TULP4: variants seen among roughly 807,000 people sequenced by gnomAD.
TULP4 encodes TUB like protein 4, also known as tubby-related protein 4.
Under a neutral mutation model 129.0 loss-of-function variants are expected in TULP4, and 16 were observed. The ratio of observed to expected loss-of-function variants is 0.12; its 90% CI spans 0.08 to 0.19. TULP4 has a LOEUF of 0.19. TULP4 is among the 10% of genes least tolerant of loss of function. The pLI, the probability that TULP4 is intolerant of heterozygous loss-of-function variation, is 1.00. For missense variants in TULP4, 1,842 were observed against 2,059.1 expected, an observed-to-expected ratio of 0.89 and a Z score of 2.04; for synonymous variants, 998 against 854.0, an observed-to-expected ratio of 1.17 and a Z score of -2.94.
At position 158,503,200 on chromosome 6, in the gene TULP4, C is replaced by T. The variant is rs765633271; in HGVS notation, c.3537C>T (p.Ala1179=). 6.2e-7 allele frequency: 1 copy of T among 1,614,074 alleles called. No individual in the cohort carries two copies. Among genetic ancestry groups the T allele is most frequent in the Non-Finnish European group, 8.5e-7 (1 of 1,179,970 alleles). Residue 1179 remains alanine (A), a synonymous_variant, in exon 13 of 14, where the codon GCC becomes GCT. Coordinates refer to ENST00000367097, the MANE Select transcript of TULP4 (RefSeq NM_020245.5). The surrounding 1 kb of genome is among the most constrained non-coding windows in gnomAD (Gnocchi z 4.3). ...CCAAGTCTCCTGCCAGCCCCACTGC[C>T]ACTTTCCAAACAGGCTATGGGATGG... The part of the protein sequence containing the change: ...ISPKSPASPT[A]TFQTGYGMGV...
intron 3 of TULP4, among the ~76,000 whole-genome samples, chr6:158,440,240 C>T (rs1046044316): frequency 1.3e-5 from 2 of 150,328 alleles, no homozygotes. Flanking sequence ...ACTGCTTGAG[C>T]CCAGGAGGTT....
intron 3 of TULP4, among the ~76,000 whole-genome samples, chr6:158,436,907 T>G (rs1288070784): frequency 5.3e-5 from 8 of 152,224 alleles, no homozygotes; most frequent in African/African-American, 1.9e-4. Context: ...AGGTTTATCC[T>G]GTTTGCTTTG....
At chr6:158,398,615 C>T (rs1488793156) in intron 1 of TULP4, 1 of 152,236 alleles carries the variant, frequency 6.6e-6, no homozygotes, top group Non-Finnish European at 1.5e-5. Context: ...TCCCTTCTTA[C>T]TAATTTTTAA....
chr6:158,387,412 TAAAA>T (rs928291860), intron 1 of TULP4, among the ~76,000 whole-genome samples: 1 of 151,782 alleles, frequency 6.6e-6, no homozygotes, highest in Non-Finnish European at 1.5e-5. Flanking sequence ...CTGATTAATC[TAAAA>T]AAAAGGAAGA....
At chr6:158,233,097 T>C (rs534884049) in intron 1 of TULP4, among the ~76,000 whole-genome samples, 2 of 152,110 alleles carry the variant, frequency 1.3e-5, no homozygotes, top group South Asian at 4.1e-4. Context: ...GCTTCAGGGA[T>C]GGGAAGGTGA....
At position 158,503,890 on chromosome 6, in the gene TULP4, G is replaced by T. The variant is rs747737473; in HGVS notation, c.4227G>T (p.Glu1409Asp). The change falls in exon 13 of 14, where the codon GAG becomes GAT. Residue 1409 changes from glutamate (E) to aspartate (D), a missense_variant. Around this residue, in one of 5 missense-constraint regions of TULP4, gnomAD observed 1,089 missense variants for 987.1 expected, o/e 1.10. Transcript: ENST00000367097. The surrounding 1 kb of genome is among the most constrained non-coding windows in gnomAD (Gnocchi z 4.3). Reference sequence around the variant, plus strand: ...AGTTCCAGGACAGCTCCGAGAGCGAGCCTGAGCTGTTCATCAGCGGGGATG... The same window carrying T: ...AGTTCCAGGACAGCTCCGAGAGCGATCCTGAGCTGTTCATCAGCGGGGATG... ...TNEFQDSSESEPELFISGDEL... is the reference protein window; with the variant it reads ...TNEFQDSSESDPELFISGDEL... The T allele has an allele frequency of 6.2e-7, 1 of 1,614,092 alleles. No individual in the cohort carries two copies. Among genetic ancestry groups the T allele is most frequent in the Non-Finnish European group, 8.5e-7 (1 of 1,180,052 alleles).
chr6:158,480,537 A>G (rs1779917288), intron 7 of TULP4, among the ~76,000 whole-genome samples: 1 of 152,224 alleles, frequency 6.6e-6, no homozygotes, highest in African/African-American at 2.4e-5. Flanking sequence ...AGCATGTAGA[A>G]TGCATCTGCC....
intron 1 of TULP4, among the ~76,000 whole-genome samples, chr6:158,303,553 G>A (rs964066716): frequency 6.6e-6 from 1 of 152,088 alleles, no homozygotes; most frequent in Admixed American, 6.5e-5. Flanking sequence ...CAGAACTACT[G>A]ATAAGGGTCC....
intron 1 of TULP4, among the ~76,000 whole-genome samples, chr6:158,377,400 C>T (rs1489130303): frequency 6.6e-6 from 1 of 152,160 alleles, no homozygotes; most frequent in African/African-American, 2.4e-5. Flanking sequence ...CACTCTTATC[C>T]CCATTGCTTT....
intron 6 of TULP4, among the ~76,000 whole-genome samples, chr6:158,474,337 C>T (rs1186501797): frequency 6.6e-6 from 1 of 152,182 alleles, no homozygotes; most frequent in Non-Finnish European, 1.5e-5. Context: ...CAGCCCAAGG[C>T]CTCCCTCAGT....
At chr6:158,305,028 C>A (rs578076212) in intron 1 of TULP4, among the ~76,000 whole-genome samples, 3 of 152,102 alleles carry the variant, frequency 2.0e-5, no homozygotes, top group Admixed American at 1.3e-4. Flanking sequence ...CATTATTTTG[C>A]AACCATTTGC....
rs1582891394 is a variant in TULP4 at position 158,509,033 on chromosome 6, A to G, written c.*2339A>G. 6.6e-6 allele frequency: 1 copy of G among 151,242 alleles called. No homozygotes were observed. The highest frequency in any genetic ancestry group is 3.4e-3 in the Middle Eastern group (1 of 294). The allele number at this position is 151,242 out of a possible 1,614,324, so 9.4% of individuals were successfully genotyped here. A position where few individuals can be genotyped will look rare whatever the true frequency, so the allele number is the denominator to read the frequency against. ...CTCCCAAGCAGCTGGGATTATAGAC[A>G]CCCGCCAACACGCCAGGCTAATGTT... On this transcript the variant is annotated 3_prime_UTR_variant, in exon 14 of 14. Transcript: ENST00000367097.
intron 1 of TULP4, among the ~76,000 whole-genome samples, chr6:158,401,878 G>A (rs1468507177): frequency 6.6e-6 from 1 of 151,914 alleles, no homozygotes; most frequent in Non-Finnish European, 1.5e-5. Context: ...GTTTTTGTAA[G>A]AGTGTTTCCA....
intron 1 of TULP4, among the ~76,000 whole-genome samples, chr6:158,339,000 C>T (rs1161598650): frequency 6.6e-6 from 1 of 152,124 alleles, no homozygotes; most frequent in East Asian, 1.9e-4. Context: ...GAGTCTTACA[C>T]TTGGGAAAAA....
chr6:158,335,386 T>G lies in TULP4; in HGVS notation c.252+21118T>G, dbSNP rs183769327. On this transcript the variant is annotated intron_variant, in intron 1 of 13. Transcript: ENST00000367097. ...TACTTAATTACTTAATGTGGTTAAG[T>G]AATTCATTTAAAATACAGTTGTTTT... 6.5e-4 allele frequency among the ~76,000 whole-genome samples: 99 copies of G among 152,284 alleles called. 1 individual carries two copies. Among genetic ancestry groups the G allele is most frequent in the African/African-American group, 2.0e-3 (85 of 41,552 alleles).
chr6:158,477,707 A>C (rs2128249156), intron 6 of TULP4, among the ~76,000 whole-genome samples: 1 of 152,346 alleles, frequency 6.6e-6, no homozygotes, highest in African/African-American at 2.4e-5. Context: ...ACAGTGTGGC[A>C]ATTCCTCAAA....
chr6:158,242,105 G>A, intron 1 of TULP4: 1 of 834,034 alleles, frequency 1.2e-6, no homozygotes. Context: ...TCCTCTGTTT[G>A]ACCCTGAAGC....
intron 1 of TULP4, among the ~76,000 whole-genome samples, chr6:158,239,664 C>A (rs1483743792): frequency 5.8e-5 from 4 of 68,402 alleles, no homozygotes; most frequent in African/African-American, 1.9e-4. Context: ...CCCTCCCGGA[C>A]CGGGCGGCTG....
intron 1 of TULP4, among the ~76,000 whole-genome samples, chr6:158,249,655 T>C (rs1336456434): frequency 6.6e-6 from 1 of 152,222 alleles, no homozygotes; most frequent in Non-Finnish European, 1.5e-5. Flanking sequence ...GACAGCCGGG[T>C]CTGTGTTATC....
Sources: gnomAD v4.1 joint callset for allele counts (sites outside exome capture counted in the v4.1 genomes callset) on GRCh38, gnomAD v4.1.1 for gene constraint, gnomAD v4.1.1 regional missense constraint, Gnocchi (gnomAD v3.1) non-coding constraint, MANE v1.5 for transcripts, NCBI Gene and HGNC (gene_info 2026-07-23, HGNC 2026-07-21) for gene names.